The following SCAF4 variants were observed in gnomAD, a reference collection of about 807,000 sequenced individuals.
The protein encoded by SCAF4 is SR-related CTD associated factor 4.
SCAF4 carries 25 observed loss-of-function variants against 129.8 expected under a neutral mutation model. The ratio of observed to expected loss-of-function variants is 0.19; its 90% CI spans 0.14 to 0.27. The LOEUF is 0.27. SCAF4 is among the 10% of genes least tolerant of loss of function. The probability of loss-of-function intolerance (pLI) is 1.00; values close to 1 mark genes in which losing one functional copy is unlikely to be tolerated. For missense variants in SCAF4, 1,246 were observed against 1,457.1 expected (o/e 0.86, Z 2.36); for synonymous variants, 551 against 497.7 (o/e 1.11, Z -1.43).
intron 1 of SCAF4, among the ~76,000 whole-genome samples, chr21:31,717,955 T>G (rs563616094): frequency 6.9e-6 from 1 of 143,890 alleles, no homozygotes; most frequent in African/African-American, 2.6e-5. Flanking sequence ...ACATATATAT[T>G]TTTTTGAGAT....
chr21:31,675,102 A>C (rs1427600344), intron 19 of SCAF4, among the ~76,000 whole-genome samples: 1 of 152,188 alleles, frequency 6.6e-6, no homozygotes, highest in African/African-American at 2.4e-5. Flanking sequence ...TAGCAAGGTA[A>C]AGCAGTGGTG....
intron 1 of SCAF4, 82 bp downstream of exon 1, chr21:31,731,581 G>A: frequency 6.6e-7 from 1 of 1,509,314 alleles, no homozygotes; most frequent in Admixed American, 1.7e-5. Flanking sequence ...CCGGACCAAA[G>A]CTTTAAACCT....
Position 31,693,327 on chromosome 21 carries a change from C to A in SCAF4, c.1480G>T (p.Gly494Cys). 1 of 1,518,990 alleles carries A rather than the reference C, an allele frequency of 6.6e-7. No homozygotes were observed. The highest frequency in any genetic ancestry group is 8.9e-7 in the Non-Finnish European group (1 of 1,118,028). The allele number at this position is 1,518,990 out of a possible 1,614,324, so 94.1% of individuals were successfully genotyped here. ...REKERERRQK[G>C]LPQVKPETAS... is the part of the protein sequence containing the mutation. ...GTTTCCGGTTTCACTTGAGGGAGGCCTTTTTGTCGACGTTCTCTCTCTTTT... is the reference window on the plus strand; with the variant it reads ...GTTTCCGGTTTCACTTGAGGGAGGCATTTTTGTCGACGTTCTCTCTCTTTT... Residue 494 changes from glycine (G) to cysteine (C), a missense_variant, in exon 12 of 20, where the codon GGC (glycine) becomes TGC (cysteine). Physicochemically the swap from Gly to Cys is radical, Grantham distance 159 (BLOSUM62 -3). Transcript: ENST00000286835.
At chr21:31,694,722 C>A in intron 10 of SCAF4, 91 bp downstream of exon 10, 1 of 1,299,326 alleles carries the variant, frequency 7.7e-7, no homozygotes, top group Non-Finnish European at 1.1e-6. Context: ...TCTTCATATT[C>A]AAAAATGAAG....
intron 19 of SCAF4, among the ~76,000 whole-genome samples, chr21:31,675,548 G>A (rs768677081): frequency 5.3e-5 from 8 of 152,164 alleles, no homozygotes; most frequent in Non-Finnish European, 1.2e-4. Flanking sequence ...GGATGCAGCT[G>A]TCAACGCAAG....
intron 1 of SCAF4, among the ~76,000 whole-genome samples, chr21:31,707,464 AAATCCAACCAAAACATAG>A (rs756022512): frequency 6.6e-6 from 1 of 151,172 alleles, no homozygotes; most frequent in Non-Finnish European, 1.5e-5. Flanking sequence ...CCAAAGGGTT[AAATCCAACCAAAACATAG>A]AGTCCATAGA....
At chr21:31,727,079 C>CT (rs201647316) in intron 1 of SCAF4, among the ~76,000 whole-genome samples, 1 of 151,760 alleles carries the variant, frequency 6.6e-6, no homozygotes, top group Non-Finnish European at 1.5e-5. Flanking sequence ...TATTTTTGTA[C>CT]TTTTTTTTCT....
intron 1 of SCAF4, among the ~76,000 whole-genome samples, chr21:31,716,118 C>T (rs940531415): frequency 1.3e-5 from 2 of 152,094 alleles, no homozygotes; most frequent in African/African-American, 4.8e-5. Flanking sequence ...TAATCTAAGC[C>T]ATCTTTTTAA....
chr21:31,724,898 T>TA (rs2051163416), intron 1 of SCAF4, among the ~76,000 whole-genome samples: 2 of 152,314 alleles, frequency 1.3e-5, no homozygotes, highest in East Asian at 3.9e-4. Flanking sequence ...GACAAAATGA[T>TA]AGACTAGGGA....
chr21:31,697,701 G>A (rs2050422663), intron 7 of SCAF4, among the ~76,000 whole-genome samples: 1 of 152,174 alleles, frequency 6.6e-6, no homozygotes, highest in Non-Finnish European at 1.5e-5. Flanking sequence ...GTTCTGCCTA[G>A]AGATTCTGGT....
chr21:31,721,966 C>A (rs1462188830), intron 1 of SCAF4, among the ~76,000 whole-genome samples: 1 of 151,948 alleles, frequency 6.6e-6, no homozygotes, highest in Non-Finnish European at 1.5e-5. Context: ...ATGATCCACC[C>A]ACTTTGACCT....
chr21:31,673,566 G>C (rs895442226), intron 19 of SCAF4, among the ~76,000 whole-genome samples: 1 of 143,184 alleles, frequency 7.0e-6, no homozygotes, highest in African/African-American at 2.7e-5. Context: ...AGACACTTTG[G>C]GAAAATCCCA....
chr21:31,725,037 G>GAA (rs1362815247), intron 1 of SCAF4, among the ~76,000 whole-genome samples: 2 of 152,190 alleles, frequency 1.3e-5, no homozygotes, highest in Non-Finnish European at 2.9e-5. Context: ...CCTGGGTCAA[G>GAA]AAAGTAGAGA....
intron 1 of SCAF4, among the ~76,000 whole-genome samples, chr21:31,723,621 T>TGTGC (rs2051127768): frequency 7.0e-6 from 1 of 142,276 alleles, no homozygotes. Flanking sequence ...TGTGTGTGTG[T>TGTGC]GTGTGTGTGC....
At chr21:31,674,463 C>T (rs994493240) in intron 19 of SCAF4, among the ~76,000 whole-genome samples, 1 of 152,154 alleles carries the variant, frequency 6.6e-6, no homozygotes, top group Non-Finnish European at 1.5e-5. Context: ...CCTTTGAGAG[C>T]CAACTAAATT....
chr21:31,671,872 A>G lies in SCAF4; in HGVS notation c.2971T>C (p.Phe991Leu). Residue 991 changes from phenylalanine (F) to leucine (L), a missense_variant, in exon 20 of 20, where the codon TTC (phenylalanine) becomes CTC (leucine). Transcript: ENST00000286835. The stretch of plus-strand genomic sequence containing the variant: ...CTTTCTTGGTCTCTACCTGAATTGA[A>G]CTGCTGCCTGTTATCATTTCTAAAC... Reference protein sequence around the residue: ...QQFRNDNRQQFNSGRDQERFG... With the variant: ...QQFRNDNRQQLNSGRDQERFG... 1 of 1,614,054 alleles carries G rather than the reference A, an allele frequency of 6.2e-7. No homozygotes were observed. The highest frequency in any genetic ancestry group is 8.5e-7 in the Non-Finnish European group (1 of 1,180,000).
intron 10 of SCAF4, among the ~76,000 whole-genome samples, 164 bp from the exon 11 acceptor site, chr21:31,694,453 AAAAC>A (rs2050335423): frequency 6.6e-6 from 1 of 152,214 alleles, no homozygotes; most frequent in Non-Finnish European, 1.5e-5. Flanking sequence ...CTGGGAAAAA[AAAAC>A]AAAAACAAAA....
chr21:31,706,081 C>T (rs2050655387), intron 2 of SCAF4, among the ~76,000 whole-genome samples, 193 bp downstream of exon 2: 1 of 152,120 alleles, frequency 6.6e-6, no homozygotes, highest in East Asian at 1.9e-4. Flanking sequence ...CTACCCCCAC[C>T]AAAAAACCAC....
At chr21:31,702,588 A>C (rs1252973656) in intron 4 of SCAF4, among the ~76,000 whole-genome samples, 1 of 152,140 alleles carries the variant, frequency 6.6e-6, no homozygotes, top group Non-Finnish European at 1.5e-5. Context: ...AGGAACAGAG[A>C]TGGACTATAG....
Sources: allele counts gnomAD v4.1 joint callset (sites outside exome capture counted in the v4.1 genomes callset), GRCh38; gene constraint gnomAD v4.1.1; transcripts MANE v1.5; gene names NCBI Gene and HGNC (gene_info 2026-07-23, HGNC 2026-07-21).